The following ACER3 variants were observed in gnomAD, a reference collection of about 807,000 sequenced individuals.
ACER3 encodes alkaline ceramidase 3.
ACER3 carries 16 observed loss-of-function variants against 48.9 expected under a neutral mutation model. That is an observed-to-expected ratio of 0.33 (90% confidence interval 0.22 to 0.50). The LOEUF (loss-of-function observed/expected upper bound fraction) is 0.50, where lower values mean the gene tolerates loss of function less well. ACER3 is among the 20% of genes least tolerant of loss of function. The pLI is 0.98. For missense variants in ACER3, 227 were observed against 326.0 expected, an observed-to-expected ratio of 0.70 and a Z score of 2.34; for synonymous variants, 109 against 107.8, an observed-to-expected ratio of 1.01 and a Z score of -0.07.
intron 2 of ACER3, among the ~76,000 whole-genome samples, chr11:76,935,700 G>C (rs1444304293): frequency 6.6e-6 from 1 of 152,196 alleles, no homozygotes; most frequent in Non-Finnish European, 1.5e-5. Context: ...ATTGAATACT[G>C]TACACATGAC....
intron 2 of ACER3, among the ~76,000 whole-genome samples, chr11:76,931,367 A>G (rs9634029): frequency 0.17 from 24,634 of 145,502 alleles, 2,203 homozygotes; most frequent in East Asian, 0.35. Context: ...GTCTCTGCAC[A>G]TGAGATGGAT....
chr11:76,868,342 C>A (rs1424472754), intron 1 of ACER3: 4 of 1,197,744 alleles, frequency 3.3e-6, no homozygotes, highest in African/African-American at 3.2e-5. Context: ...AATGAAAGGA[C>A]AAATTGAGTG....
chr11:76,868,638 C>T (rs1945165145), intron 1 of ACER3, among the ~76,000 whole-genome samples: 2 of 152,166 alleles, frequency 1.3e-5, no homozygotes, highest in South Asian at 4.1e-4. Context: ...AGAGTCCTGC[C>T]TCATACCCTG....
At chr11:76,896,492 TA>T (rs1379282669) in intron 1 of ACER3, among the ~76,000 whole-genome samples, 83 of 145,244 alleles carry the variant, frequency 5.7e-4, no homozygotes, top group Non-Finnish European at 4.3e-4. Flanking sequence ...AACCCTGTCT[TA>T]AAAAAAAAAA....
chr11:76,896,951 G>A (rs199716891), intron 1 of ACER3, among the ~76,000 whole-genome samples: 2 of 147,816 alleles, frequency 1.4e-5, no homozygotes, highest in Non-Finnish European at 2.9e-5. Flanking sequence ...GTTGTTGTTG[G>A]TTTTTTGTTT....
intron 6 of ACER3, among the ~76,000 whole-genome samples, chr11:76,996,882 C>T (rs1591048085): frequency 6.6e-6 from 1 of 152,146 alleles, no homozygotes; most frequent in East Asian, 1.9e-4. Context: ...TCTGCCACCA[C>T]ACCTGGCTAA....
chr11:77,003,034 TAGAC>T (rs1306058543), intron 7 of ACER3, among the ~76,000 whole-genome samples: 1 of 152,098 alleles, frequency 6.6e-6, no homozygotes, highest in Non-Finnish European at 1.5e-5. Context: ...GTTCTGGAGA[TAGAC>T]AGTGGTAAGG....
chr11:77,002,331 G>A (rs907620749), intron 7 of ACER3, among the ~76,000 whole-genome samples: 2 of 152,074 alleles, frequency 1.3e-5, no homozygotes, highest in African/African-American at 2.4e-5. Context: ...GTTGGATTTT[G>A]TCAAATGCTT....
intron 1 of ACER3, among the ~76,000 whole-genome samples, chr11:76,889,963 A>C (rs1459928004): frequency 6.6e-6 from 1 of 151,762 alleles, no homozygotes; most frequent in East Asian, 1.9e-4. Context: ...CGTATTCAAT[A>C]ATTTCAGTAT....
chr11:76,927,498 C>T (rs140525348), intron 2 of ACER3, among the ~76,000 whole-genome samples: 3,238 of 151,976 alleles, frequency 0.021, 119 homozygotes, highest in African/African-American at 0.074. Context: ...CTAGGGTACA[C>T]GTGCACAACG....
intron 2 of ACER3, among the ~76,000 whole-genome samples, chr11:76,933,584 A>G (rs1007375665): frequency 7.2e-5 from 11 of 151,920 alleles, no homozygotes; most frequent in Non-Finnish European, 1.3e-4. Flanking sequence ...TGTTTCAGAG[A>G]GCACAGGGTT....
chr11:76,883,265 TG>T (rs1274353763), intron 1 of ACER3, among the ~76,000 whole-genome samples: 1 of 152,152 alleles, frequency 6.6e-6, no homozygotes, highest in African/African-American at 2.4e-5. Flanking sequence ...GGCCTTATTT[TG>T]TCATTGCTAG....
intron 1 of ACER3, 26 bp downstream of exon 1, chr11:76,861,105 G>T: frequency 6.5e-7 from 1 of 1,528,062 alleles, no homozygotes; most frequent in Admixed American, 2.0e-5. Context: ...GGAGGGGAGT[G>T]GGGGCGAGAG....
At position 76,878,021 on chromosome 11, in the gene ACER3, T is replaced by A. The variant is rs548407926; in HGVS notation, c.103+16942T>A. ...ATGGATGTAGATATAATTCATTTAT[T>A]TTTGCTGTTGTTTAGAATTCCACTG... is the stretch of plus-strand genomic sequence containing the variant. On this transcript the variant is annotated intron_variant, in intron 1 of 10. Coordinates refer to ENST00000532485, the MANE Select transcript of ACER3 (RefSeq NM_018367.7). Among the ~76,000 whole-genome samples the A allele has an allele frequency of 7.9e-5, 12 of 152,178 alleles. No individual in the cohort carries two copies. In the South Asian group the frequency reaches 1.5e-3, roughly 18 times the overall value.
rs782002842 is a variant in ACER3 at position 77,019,681 on chromosome 11, T to C, written c.705-50T>C. ...ACGTTTGTCAGTACGCCAGTTTGCA[T>C]GAATTCAAAATGAATCTGAAAAGCT... is the stretch of plus-strand genomic sequence containing the variant. On this transcript the variant is annotated intron_variant, in intron 9 of 10. Transcript: ENST00000532485. 49 of 1,584,428 alleles carry C rather than the reference T, an allele frequency of 3.1e-5. No homozygotes were observed. The Admixed American group carries it at 8.0e-4, about 26-fold the overall frequency.
chr11:76,941,909 T>C (rs1947351245), intron 2 of ACER3, among the ~76,000 whole-genome samples: 1 of 152,018 alleles, frequency 6.6e-6, no homozygotes, highest in African/African-American at 2.4e-5. Context: ...ATTATTATTA[T>C]CATTATCATT....
chr11:77,017,055 AAAGG>A (rs1949385179), intron 9 of ACER3, among the ~76,000 whole-genome samples: 1 of 152,302 alleles, frequency 6.6e-6, no homozygotes, highest in South Asian at 2.1e-4. Context: ...GTCACATTTA[AAAGG>A]AAGAGAGATC....
intron 2 of ACER3, among the ~76,000 whole-genome samples, chr11:76,930,054 C>T (rs1048892207): frequency 6.6e-6 from 1 of 151,552 alleles, no homozygotes; most frequent in African/African-American, 2.4e-5. Flanking sequence ...GTACCAGCTC[C>T]TCCTTGTACC....
At chr11:77,004,768 T>A (rs1341155504) in intron 7 of ACER3, among the ~76,000 whole-genome samples, 1 of 152,232 alleles carries the variant, frequency 6.6e-6, no homozygotes, top group Non-Finnish European at 1.5e-5. Context: ...GTGTGGCATA[T>A]CTTTTTTCAT....
Sources: gnomAD v4.1 joint callset for allele counts (sites outside exome capture counted in the v4.1 genomes callset) on GRCh38, gnomAD v4.1.1 for gene constraint, MANE v1.5 for transcripts, NCBI Gene and HGNC (gene_info 2026-07-23, HGNC 2026-07-21) for gene names.